The following RBPJ variants were observed in gnomAD, a reference collection of about 807,000 sequenced individuals.
RBPJ encodes recombining binding protein suppressor of hairless.
A neutral mutation model predicts 67.8 loss-of-function variants in RBPJ; 9 were observed. That is an observed-to-expected ratio of 0.13 (90% CI 0.08 to 0.23). The LOEUF (loss-of-function observed/expected upper bound fraction) is 0.23. RBPJ is among the 10% of genes least tolerant of loss of function. RBPJ has a pLI of 1.00. For synonymous variants in RBPJ, 198 were observed against 203.3 expected (o/e 0.97, Z 0.22); for missense variants, 305 against 595.6 (o/e 0.51, Z 5.08).
At chr4:26,176,005 T>A (rs1233714737) in intron 1 of RBPJ, among the ~76,000 whole-genome samples, 1 of 152,132 alleles carries the variant, frequency 6.6e-6, no homozygotes, top group African/African-American at 2.4e-5. Context: ...TTCGGGTAAA[T>A]CTCTTCATTT....
At chr4:26,214,965 AGGGAGGGAGGGAAGGAAG>A in intron 1 of RBPJ, among the ~76,000 whole-genome samples, 1 of 25,140 alleles carries the variant, frequency 4.0e-5, no homozygotes, top group African/African-American at 3.1e-4. Context: ...GGAAGGAGGG[AGGGAGGGAGGGAAGGAAG>A]GAGGGAGGGA....
the RBPJ span, chr4:26,112,626 A>G: frequency 9.3e-5 from 14 of 151,020 alleles, no homozygotes; most frequent in East Asian, 2.7e-3. Flanking sequence ...ATGTGGAAGA[A>G]CTTTCACTGT....
At chr4:26,282,801 A>G (rs1327272492) in intron 1 of RBPJ, among the ~76,000 whole-genome samples, 1 of 152,040 alleles carries the variant, frequency 6.6e-6, no homozygotes, top group Non-Finnish European at 1.5e-5. Context: ...GATTACAGGC[A>G]TGAGCCACCA....
At position 26,338,736 on chromosome 4, in the gene RBPJ, G is replaced by T. The variant is rs1049237881; in HGVS notation, c.20+17688G>T. Among the ~76,000 whole-genome samples, 3 of 151,668 alleles carry T rather than the reference G, an allele frequency of 2.0e-5. No individual in the cohort carries two copies. The South Asian group carries it at 6.2e-4, about 32-fold the overall frequency. On this transcript the variant is annotated intron_variant, in intron 1 of 10. Coordinates refer to ENST00000355476, the MANE Select transcript of RBPJ (RefSeq NM_015874.6). ...ATTACAGGTGCCTGCCACCCTGCCC[G>T]GCTAATTTTTGTATTTTTAGTAGAG...
chr4:26,398,861 C>T (rs989618144), intron 2 of RBPJ, among the ~76,000 whole-genome samples: 2 of 152,164 alleles, frequency 1.3e-5, no homozygotes, highest in Non-Finnish European at 2.9e-5. Flanking sequence ...ATCTGCCTGC[C>T]TCAGCCTCCC....
At chr4:26,287,169 T>C (rs1293608834) in intron 1 of RBPJ, among the ~76,000 whole-genome samples, 3 of 152,198 alleles carry the variant, frequency 2.0e-5, no homozygotes, top group African/African-American at 7.2e-5. Flanking sequence ...AAAGAGAGTA[T>C]TGATTTTAAA....
At chr4:26,266,385 T>C (rs1720705648) in intron 1 of RBPJ, among the ~76,000 whole-genome samples, 1 of 152,246 alleles carries the variant, frequency 6.6e-6, no homozygotes, top group South Asian at 2.1e-4. Flanking sequence ...TAAACTTGTG[T>C]ATTTATTAAT....
At chr4:26,334,677 T>A (rs1284343939) in intron 1 of RBPJ, among the ~76,000 whole-genome samples, 1 of 152,178 alleles carries the variant, frequency 6.6e-6, no homozygotes, top group Non-Finnish European at 1.5e-5. Context: ...GCTTACATAT[T>A]AAAACCTGAT....
chr4:26,219,360 G>A (rs960281453), intron 1 of RBPJ, among the ~76,000 whole-genome samples: 5 of 152,170 alleles, frequency 3.3e-5, no homozygotes, highest in Admixed American at 2.6e-4. Flanking sequence ...GGAAAACATG[G>A]ATCAGGACAG....
chr4:26,421,788 T>C (rs1286739663), intron 5 of RBPJ, among the ~76,000 whole-genome samples: 2 of 151,982 alleles, frequency 1.3e-5, no homozygotes, highest in Non-Finnish European at 2.9e-5. Flanking sequence ...ATACATGCCC[T>C]TTTTTTTGAA....
chr4:26,245,249 C>G (rs1328081472), intron 1 of RBPJ, among the ~76,000 whole-genome samples: 2 of 140,568 alleles, frequency 1.4e-5, no homozygotes, highest in East Asian at 4.2e-4. Context: ...CACTCGCTCA[C>G]ACAGGCTGGA....
chr4:26,344,369 G>C (rs1725900391), intron 1 of RBPJ, among the ~76,000 whole-genome samples: 1 of 151,966 alleles, frequency 6.6e-6, no homozygotes, highest in Non-Finnish European at 1.5e-5. Flanking sequence ...GGAGTAGCTG[G>C]GACTACAGGC....
At chr4:26,301,551 C>A (rs1469879278) in intron 1 of RBPJ, among the ~76,000 whole-genome samples, 1 of 148,856 alleles carries the variant, frequency 6.7e-6, no homozygotes, top group Admixed American at 6.7e-5. Flanking sequence ...AAAATGGCGC[C>A]ACTGCACTCC....
At chr4:26,271,926 G>C (rs1720930436) in intron 1 of RBPJ, among the ~76,000 whole-genome samples, 1 of 152,180 alleles carries the variant, frequency 6.6e-6, no homozygotes. Context: ...TGTGCACAGT[G>C]GGCACAGGTA....
chr4:26,268,409 T>C (rs1055396703), intron 1 of RBPJ, among the ~76,000 whole-genome samples: 4 of 152,190 alleles, frequency 2.6e-5, no homozygotes, highest in Admixed American at 6.5e-5. Context: ...TTAGGGAAGA[T>C]ACAGGGGAAA....
intron 1 of RBPJ, among the ~76,000 whole-genome samples, chr4:26,301,243 C>T (rs1230273643): frequency 1.3e-5 from 2 of 152,196 alleles, no homozygotes; most frequent in Non-Finnish European, 2.9e-5. Flanking sequence ...ACCCATCCTC[C>T]TGCACCACGT....
At chr4:26,107,833 G>A in the RBPJ span, among the ~76,000 whole-genome samples, 5 of 152,186 alleles carry the variant, frequency 3.3e-5, no homozygotes, top group African/African-American at 4.8e-5. Context: ...ATGAAGCGGA[G>A]GTTGCAGTGA....
At chr4:26,388,024 A>G (rs1444535755) in intron 2 of RBPJ, among the ~76,000 whole-genome samples, 1 of 152,230 alleles carries the variant, frequency 6.6e-6, no homozygotes, top group Non-Finnish European at 1.5e-5. Context: ...GCACTCCCTC[A>G]GAAAGGCAAA....
chr4:26,352,431 C>T (rs1248957562), intron 1 of RBPJ, among the ~76,000 whole-genome samples: 1 of 152,160 alleles, frequency 6.6e-6, no homozygotes, highest in East Asian at 1.9e-4. Context: ...GATATTGTGA[C>T]GTTAGGGGTC....
Sources: allele counts gnomAD v4.1 joint callset (sites outside exome capture counted in the v4.1 genomes callset), GRCh38; gene constraint gnomAD v4.1.1; transcripts MANE v1.5; gene names NCBI Gene and HGNC (gene_info 2026-07-23, HGNC 2026-07-21).